Variants in SPAG16 observed in about 807,000 individuals in gnomAD.
The protein encoded by SPAG16 is sperm associated antigen 16.
In SPAG16, 86 loss-of-function variants were observed where a neutral mutation model predicts 80.4. That is an observed-to-expected ratio of 1.07 (90% CI 0.90 to 1.28). SPAG16 has a LOEUF of 1.28. Among genes scored for constraint, SPAG16 ranks in the 50% most tolerant of loss-of-function variants. SPAG16 has a pLI of 0.00. For synonymous variants in SPAG16, 294 were observed against 265.9 expected (o/e 1.11, Z -1.03); for missense variants, 870 against 765.3 (o/e 1.14, Z -1.61).
chr2:213,718,967 G>A (rs1239312693), intron 10 of SPAG16, among the ~76,000 whole-genome samples: 4 of 152,216 alleles, frequency 2.6e-5, no homozygotes, highest in African/African-American at 9.7e-5. Context: ...AGTCTGGTGG[G>A]GACGTGGAGT....
At position 214,371,495 on chromosome 2, in the gene SPAG16, GCACT is replaced by G. The variant is rs1166870693; in HGVS notation, c.1721-38643_1721-38640del. 2.2e-5 allele frequency among the ~76,000 whole-genome samples: 3 copies of G among 138,762 alleles called. No homozygotes were observed. In the East Asian group the frequency reaches 6.4e-4, roughly 29 times the overall value. 91.0% of individuals were successfully genotyped at this position (138,762 alleles called of 152,430 possible). A position where few individuals can be genotyped will look rare whatever the true frequency, so the allele number is the denominator to read the frequency against. Reference sequence around the variant, plus strand: ...TGAGGTGAGCCAAGATTACACCATTGCACTCCAGCCTGGGCCGTAAGAGCACAAA... The same window carrying G: ...TGAGGTGAGCCAAGATTACACCATTGCCAGCCTGGGCCGTAAGAGCACAAA... On this transcript the variant is annotated intron_variant, in intron 15 of 15. Coordinates refer to ENST00000331683, the MANE Select transcript of SPAG16 (RefSeq NM_024532.5).
At chr2:214,100,657 C>G (rs1486207326) in intron 13 of SPAG16, among the ~76,000 whole-genome samples, 2 of 152,070 alleles carry the variant, frequency 1.3e-5, no homozygotes, top group Non-Finnish European at 2.9e-5. Context: ...TTCCTTGTTG[C>G]TATGTTAGTT....
Position 213,520,833 on chromosome 2 carries a change from C to T in SPAG16, c.1070+30743C>T, listed in dbSNP as rs1325339874. 2.6e-5 allele frequency among the ~76,000 whole-genome samples: 4 copies of T among 152,158 alleles called. No individual in the cohort carries two copies. In the East Asian group the frequency reaches 7.7e-4, roughly 29 times the overall value. The stretch of plus-strand genomic sequence containing the variant: ...TTGTCACATAATTCTTGGGATCAGT[C>T]ACTCAGTTGGAGATTCAGGTATATC... On this transcript the variant is annotated intron_variant, in intron 10 of 15. Coordinates refer to ENST00000331683, the MANE Select transcript of SPAG16 (RefSeq NM_024532.5).
chr2:213,770,576 C>T (rs1279142936), intron 10 of SPAG16, among the ~76,000 whole-genome samples: 1 of 152,080 alleles, frequency 6.6e-6, no homozygotes, highest in African/African-American at 2.4e-5. Flanking sequence ...GTATTAAGCC[C>T]CATATGCATT....
chr2:214,303,027 G>A (rs772506021), intron 15 of SPAG16, among the ~76,000 whole-genome samples: 1 of 152,146 alleles, frequency 6.6e-6, no homozygotes, highest in Non-Finnish European at 1.5e-5. Flanking sequence ...CATTATGTGA[G>A]TGTCTTGAAG....
chr2:214,334,282 G>A (rs1308089420), intron 15 of SPAG16, among the ~76,000 whole-genome samples: 1 of 152,198 alleles, frequency 6.6e-6, no homozygotes, highest in Non-Finnish European at 1.5e-5. Flanking sequence ...ATATTGCCTT[G>A]CAAGACTCAG....
At chr2:213,871,415 CT>C (rs1236749655) in intron 11 of SPAG16, among the ~76,000 whole-genome samples, 1 of 151,942 alleles carries the variant, frequency 6.6e-6, no homozygotes, top group African/African-American at 2.4e-5. Context: ...GAAGAGTGAA[CT>C]CTTTTATGTT....
At chr2:214,354,878 C>A (rs1442210301) in intron 15 of SPAG16, among the ~76,000 whole-genome samples, 24 of 152,118 alleles carry the variant, frequency 1.6e-4, no homozygotes, top group East Asian at 5.8e-4. Context: ...GAAGTTGCTT[C>A]TCAGCTTAAG....
intron 10 of SPAG16, among the ~76,000 whole-genome samples, chr2:213,654,278 A>G (rs1226022211): frequency 1.3e-5 from 2 of 152,186 alleles, no homozygotes; most frequent in African/African-American, 4.8e-5. Flanking sequence ...AAATTTCAAA[A>G]CCCATCAAAT....
chr2:213,847,685 G>T (rs1462883198), intron 10 of SPAG16, among the ~76,000 whole-genome samples: 1 of 152,114 alleles, frequency 6.6e-6, no homozygotes, highest in Non-Finnish European at 1.5e-5. Flanking sequence ...TGATTCTTGT[G>T]CATTCTTATG....
chr2:213,860,363 ATG>A (rs1387771321), intron 10 of SPAG16, among the ~76,000 whole-genome samples: 74 of 50,250 alleles, frequency 1.5e-3, no homozygotes, highest in Admixed American at 5.9e-3. Context: ...ATATATATAT[ATG>A]TGTGTGTGTG....
intron 10 of SPAG16, among the ~76,000 whole-genome samples, chr2:213,647,267 T>C (rs934352203): frequency 6.6e-6 from 1 of 152,186 alleles, no homozygotes; most frequent in African/African-American, 2.4e-5. Context: ...GAATCAGTTA[T>C]GACAGTATCA....
At chr2:213,986,841 G>A (rs977527326) in intron 12 of SPAG16, among the ~76,000 whole-genome samples, 16 of 126,390 alleles carry the variant, frequency 1.3e-4, no homozygotes, top group Admixed American at 6.6e-4. Context: ...ATTTAATAAT[G>A]CCAATTAACT....
intron 13 of SPAG16, among the ~76,000 whole-genome samples, chr2:214,050,175 C>T (rs2049566413): frequency 2.6e-5 from 4 of 151,700 alleles, no homozygotes; most frequent in South Asian, 2.1e-4. Context: ...CTTAGGGACA[C>T]GGTGGTAATC....
At position 213,392,041 on chromosome 2, in the gene SPAG16, A is replaced by C. The variant is rs114924373; in HGVS notation, c.942+16922A>C. Among the ~76,000 whole-genome samples the C allele has an allele frequency of 8.3e-3, 1,266 of 152,328 alleles. 26 individuals carry two copies. Among genetic ancestry groups the C allele is most frequent in the African/African-American group, 0.029 (1,222 of 41,574 alleles). On this transcript the variant is annotated intron_variant, in intron 9 of 15. Transcript: ENST00000331683. ...ATATTTTGATTTCTTTAATGAAAAAATGGAATGTTATTTAATATCTTTATC... is the reference window on the plus strand; with the variant it reads ...ATATTTTGATTTCTTTAATGAAAAACTGGAATGTTATTTAATATCTTTATC...
intron 15 of SPAG16, among the ~76,000 whole-genome samples, chr2:214,181,286 A>G (rs746703915): frequency 1.5e-4 from 23 of 151,754 alleles, no homozygotes; most frequent in Non-Finnish European, 2.9e-4. Context: ...TAACAGACAG[A>G]AATAAGAACT....
intron 10 of SPAG16, among the ~76,000 whole-genome samples, chr2:213,647,026 C>T (rs1168795583): frequency 6.6e-6 from 1 of 151,606 alleles, no homozygotes; most frequent in Non-Finnish European, 1.5e-5. Flanking sequence ...TGGAAAGAAA[C>T]ATAGATGAGT....
intron 7 of SPAG16, among the ~76,000 whole-genome samples, chr2:213,361,472 C>T (rs750521288): frequency 6.7e-6 from 1 of 150,106 alleles, no homozygotes; most frequent in Non-Finnish European, 1.5e-5. Flanking sequence ...AGTGACACTC[C>T]ACCAGTAATG....
intron 12 of SPAG16, among the ~76,000 whole-genome samples, chr2:213,961,854 T>C (rs1559633400): frequency 6.6e-6 from 1 of 152,142 alleles, no homozygotes. Flanking sequence ...TTTCTTGTTA[T>C]GTATTTGTCT....
Sources: allele counts gnomAD v4.1 joint callset (sites outside exome capture counted in the v4.1 genomes callset), GRCh38; gene constraint gnomAD v4.1.1; transcripts MANE v1.5; gene names NCBI Gene and HGNC (gene_info 2026-07-23, HGNC 2026-07-21).